PTPDC1: variants seen among roughly 807,000 people sequenced by gnomAD.
The protein encoded by PTPDC1 is protein tyrosine phosphatase domain-containing protein 1.
In PTPDC1, 53 loss-of-function variants were observed where a neutral mutation model predicts 75.3. The observed-to-expected ratio is 0.70, with a 90% CI of 0.56 to 0.88. The LOEUF is 0.88. Ranked by LOEUF, PTPDC1 falls within the 40% of genes least tolerant of loss-of-function variation. The pLI is 0.00. For missense variants in PTPDC1, 925 were observed against 998.6 expected, an observed-to-expected ratio of 0.93 and a Z score of 0.99; for synonymous variants, 349 against 366.2, an observed-to-expected ratio of 0.95 and a Z score of 0.54.
Position 94,098,286 on chromosome 9 carries a change from C to T in PTPDC1, c.1720C>T (p.Gln574Ter). The T allele has an allele frequency of 6.2e-7, 1 of 1,614,214 alleles. No homozygotes were observed. Among genetic ancestry groups the T allele is most frequent in the Non-Finnish European group, 8.5e-7 (1 of 1,180,050 alleles). The change falls in exon 6 of 9, where the codon CAG becomes TAG. Residue 574 changes from glutamine (Q) to a stop codon, truncating the protein, a stop_gained. Coordinates refer to ENST00000620992, the MANE Select transcript of PTPDC1 (RefSeq NM_001253829.2). LOFTEE classifies it high-confidence loss of function. ...CCATAAGGATCCAAACCCTGCTCAC[C>T]AGCAAGTGTCTCACTGTCAGTGTAA... ...NVHKDPNPAH[Q>*]QVSHCQCKTH...
chr9:94,038,812 G>A (rs1825348762), intron 1 of PTPDC1, among the ~76,000 whole-genome samples: 1 of 152,188 alleles, frequency 6.6e-6, no homozygotes, highest in Admixed American at 6.5e-5. Context: ...AGGTAGCAAT[G>A]TCTACTTTAT....
intron 6 of PTPDC1, chr9:94,100,497 G>GT: frequency 6.6e-6 from 1 of 152,280 alleles, no homozygotes. Flanking sequence ...AGTACCAGAG[G>GT]GCCCTTGTGG....
rs112074634 is a variant in PTPDC1 at position 94,039,836 on chromosome 9, CTCTT to C, written c.-7+8714_-7+8717del. On this transcript the variant is annotated intron_variant, in intron 1 of 9. Transcript: ENST00000375360. ...ATATTCCATTAGTTTACTAATCTGT[CTCTT>C]TCTTAATCTATAGTAGATTCTGTTA... 1.6e-3 allele frequency among the ~76,000 whole-genome samples: 249 copies of C among 152,318 alleles called. 2 individuals are homozygous for C. Among genetic ancestry groups the C allele is most frequent in the African/African-American group, 5.7e-3 (238 of 41,572 alleles).
intron 8 of PTPDC1, among the ~76,000 whole-genome samples, chr9:94,104,731 T>G (rs1259441033): frequency 6.6e-6 from 1 of 152,196 alleles, no homozygotes; most frequent in Non-Finnish European, 1.5e-5. Flanking sequence ...GTCGAGTCAG[T>G]TCTACCTTGG....
chr9:94,061,041 A>G (rs955296854), intron 1 of PTPDC1, among the ~76,000 whole-genome samples: 1 of 152,188 alleles, frequency 6.6e-6, no homozygotes, highest in Non-Finnish European at 1.5e-5. Context: ...CAAGGCTAGT[A>G]CCTTCCACCT....
rs1587861862 is a variant in PTPDC1 at position 94,064,878 on chromosome 9, G to A, written c.82+57G>A. 4.5e-5 allele frequency: 58 copies of A among 1,289,812 alleles called. No homozygotes were observed. The East Asian group carries it at 1.3e-3, about 30-fold the overall frequency. 79.9% of individuals were successfully genotyped at this position (1,289,812 alleles called of 1,614,324 possible). On this transcript the variant is annotated intron_variant, in intron 2 of 9. Coordinates refer to the PTPDC1 transcript ENST00000375360. The stretch of plus-strand genomic sequence containing the variant: ...CTGTGCAAGCTGGCATTTAATAAAA[G>A]TAGCTATATGAATGGACACAAAAGA...
At chr9:94,072,544 A>AT (rs1390596987) in intron 2 of PTPDC1, among the ~76,000 whole-genome samples, 5 of 151,312 alleles carry the variant, frequency 3.3e-5, no homozygotes, top group Admixed American at 6.6e-5. Context: ...TTGCCTTATC[A>AT]TAGTAGCCTA....
chr9:94,095,072 C>A (rs1827504784), intron 4 of PTPDC1, among the ~76,000 whole-genome samples: 1 of 152,240 alleles, frequency 6.6e-6, no homozygotes. Flanking sequence ...TAGACCGGAG[C>A]TGTTCCTATT....
chr9:94,093,632 C>G (rs1827417080), intron 4 of PTPDC1, among the ~76,000 whole-genome samples: 2 of 151,172 alleles, frequency 1.3e-5, no homozygotes, highest in African/African-American at 4.9e-5. Context: ...CATTGGCCTG[C>G]CTTGCTAGAT....
At chr9:94,054,094 A>C (rs1287231291) in intron 1 of PTPDC1, among the ~76,000 whole-genome samples, 1 of 152,258 alleles carries the variant, frequency 6.6e-6, no homozygotes, top group Non-Finnish European at 1.5e-5. Context: ...GCAGACAAAA[A>C]AAATCTATTC....
intron 4 of PTPDC1, among the ~76,000 whole-genome samples, chr9:94,091,993 G>T: frequency 6.8e-6 from 1 of 147,294 alleles, no homozygotes; most frequent in Admixed American, 6.7e-5. Flanking sequence ...TATTAGTCTT[G>T]CTAGCGGTCT....
At chr9:94,062,935 T>TATA (rs1219001725) in intron 1 of PTPDC1, among the ~76,000 whole-genome samples, 2 of 152,236 alleles carry the variant, frequency 1.3e-5, no homozygotes, top group Non-Finnish European at 2.9e-5. Flanking sequence ...CGAGGGTACC[T>TATA]ATATACTGGC....
At chr9:94,067,202 A>G (rs1304560194) in intron 2 of PTPDC1, among the ~76,000 whole-genome samples, 1 of 152,040 alleles carries the variant, frequency 6.6e-6, no homozygotes, top group Non-Finnish European at 1.5e-5. Context: ...AGCCTGGCCA[A>G]TATGGTGAAA....
At chr9:94,036,030 T>TG (rs1825255589) in intron 1 of PTPDC1, among the ~76,000 whole-genome samples, 1 of 145,082 alleles carries the variant, frequency 6.9e-6, no homozygotes, top group Non-Finnish European at 1.5e-5. Context: ...TTTGTTTTTT[T>TG]TTTTGTTTTT....
At chr9:94,059,006 A>T (rs888942563) in intron 1 of PTPDC1, among the ~76,000 whole-genome samples, 3 of 152,162 alleles carry the variant, frequency 2.0e-5, no homozygotes, top group Non-Finnish European at 4.4e-5. Flanking sequence ...CAAACAAAAA[A>T]CCCAGGAAAG....
chr9:94,062,866 G>C (rs758774644), intron 1 of PTPDC1, among the ~76,000 whole-genome samples: 1 of 152,152 alleles, frequency 6.6e-6, no homozygotes. Flanking sequence ...TAAATAAGAC[G>C]TGAATAGACT....
intron 2 of PTPDC1, among the ~76,000 whole-genome samples, chr9:94,069,227 C>T (rs1162572363): frequency 6.6e-6 from 1 of 152,132 alleles, no homozygotes; most frequent in Non-Finnish European, 1.5e-5. Flanking sequence ...TGTACCTGTC[C>T]ATTTTTACGG....
intron 1 of PTPDC1, among the ~76,000 whole-genome samples, chr9:94,043,590 G>A (rs555291869): frequency 7.2e-5 from 11 of 152,156 alleles, no homozygotes; most frequent in African/African-American, 1.2e-4. Context: ...ACGTGGTGGC[G>A]TGTGCCTGTA....
At chr9:94,085,965 T>C (rs1281812503) in intron 2 of PTPDC1, among the ~76,000 whole-genome samples, 2 of 152,244 alleles carry the variant, frequency 1.3e-5, no homozygotes, top group Admixed American at 1.3e-4. Flanking sequence ...TATTGTTCTT[T>C]AATCATACTG....
Sources: gnomAD v4.1 joint callset for allele counts (sites outside exome capture counted in the v4.1 genomes callset) on GRCh38, gnomAD v4.1.1 for gene constraint, MANE v1.5 for transcripts, NCBI Gene and HGNC (gene_info 2026-07-23, HGNC 2026-07-21) for gene names.